ABHD17C: variants seen among roughly 807,000 people sequenced by gnomAD.
The protein encoded by ABHD17C is alpha/beta hydrolase domain-containing protein 17C.
A neutral mutation model predicts 27.9 loss-of-function variants in ABHD17C; 11 were observed. That is an observed-to-expected ratio of 0.39 (90% confidence interval 0.25 to 0.65). The LOEUF is 0.65. Among genes scored for constraint, ABHD17C ranks in the 30% least tolerant of loss-of-function variants. ABHD17C has a pLI of 0.45. For missense variants in ABHD17C, 280 were observed against 470.2 expected (o/e 0.60, Z 3.74); for synonymous variants, 233 against 209.1 (o/e 1.11, Z -0.98).
At chr15:80,751,007 G>A (rs1895358158) in intron 2 of ABHD17C, among the ~76,000 whole-genome samples, 1 of 151,858 alleles carries the variant, frequency 6.6e-6, no homozygotes, top group African/African-American at 2.4e-5. Flanking sequence ...GCAGGTATCG[G>A]GCTATGCATT....
chr15:80,698,768 C>G (rs944487765), intron 1 of ABHD17C, among the ~76,000 whole-genome samples: 2 of 152,240 alleles, frequency 1.3e-5, no homozygotes, highest in Non-Finnish European at 2.9e-5. Flanking sequence ...GGAATGCCTT[C>G]CATCCCATGT....
chr15:80,697,032 A>G (rs1009440188), intron 1 of ABHD17C, among the ~76,000 whole-genome samples: 8 of 152,194 alleles, frequency 5.3e-5, no homozygotes, highest in Non-Finnish European at 8.8e-5. Flanking sequence ...TATTGTCGCC[A>G]TGGACCCTTC....
chr15:80,695,355 G>A lies in ABHD17C; in HGVS notation c.-75G>A. On this transcript the variant is annotated 5_prime_UTR_variant, in exon 1 of 3. Transcript: ENST00000258884. This position sits in a 1 kb window ranked among gnomAD's most constrained non-coding sequence, Gnocchi z 4.3. ...GCTCGCCTGCCAGCTCCCTCGCCGCGCGTCCGTCCTCCGTCCTCCCGGGCC... is the reference window on the plus strand; with the variant it reads ...GCTCGCCTGCCAGCTCCCTCGCCGCACGTCCGTCCTCCGTCCTCCCGGGCC... The A allele has an allele frequency of 4.9e-6, 5 of 1,012,168 alleles. No individual in the cohort carries two copies. The highest frequency in any genetic ancestry group is 6.1e-6 in the Non-Finnish European group (5 of 818,024). The allele number at this position is 1,012,168 out of a possible 1,614,324, so 62.7% of individuals were successfully genotyped here. A position where few individuals can be genotyped will look rare whatever the true frequency, so the allele number is the denominator to read the frequency against.
intron 1 of ABHD17C, among the ~76,000 whole-genome samples, chr15:80,718,097 G>T (rs905970155): frequency 6.6e-6 from 1 of 152,130 alleles, no homozygotes; most frequent in African/African-American, 2.4e-5. Flanking sequence ...TAGGAAGGTG[G>T]TTTAGATTAG....
At chr15:80,751,929 G>T (rs1238650177) in intron 2 of ABHD17C, among the ~76,000 whole-genome samples, 1 of 152,184 alleles carries the variant, frequency 6.6e-6, no homozygotes, top group African/African-American at 2.4e-5. Flanking sequence ...TTGCCAGATG[G>T]CAGAATCATC....
intron 1 of ABHD17C, among the ~76,000 whole-genome samples, chr15:80,741,500 GT>G (rs60325235): frequency 2.1e-5 from 3 of 146,152 alleles, no homozygotes; most frequent in East Asian, 2.0e-4. Flanking sequence ...AATTAGCACA[GT>G]TTTTTTTTCT....
chr15:80,740,998 G>T (rs1437603656), intron 1 of ABHD17C, among the ~76,000 whole-genome samples: 1 of 152,174 alleles, frequency 6.6e-6, no homozygotes, highest in Non-Finnish European at 1.5e-5. Flanking sequence ...CAGATCAGTA[G>T]TTGACCAAGA....
rs74801112 is a variant in ABHD17C, at chr15:80,725,812, TTTTG to T, written c.591-23673_591-23670del. 5.4e-3 allele frequency among the ~76,000 whole-genome samples: 810 copies of T among 151,110 alleles called. 3 individuals are homozygous for T. The highest frequency in any genetic ancestry group is 0.013 in the African/African-American group (547 of 41,206). ...GGTGTGAACCGCTGCACCAGCAGTTTTTTGTTTGTTTGTTTGTTTGTTTGTTTGT... is the reference window on the plus strand; with the variant it reads ...GGTGTGAACCGCTGCACCAGCAGTTTTTTGTTTGTTTGTTTGTTTGTTTGT... On this transcript the variant is annotated intron_variant, in intron 1 of 2. Coordinates refer to ENST00000258884, the MANE Select transcript of ABHD17C (RefSeq NM_021214.2).
At chr15:80,741,230 C>T (rs1415248218) in intron 1 of ABHD17C, among the ~76,000 whole-genome samples, 2 of 151,996 alleles carry the variant, frequency 1.3e-5, no homozygotes, top group Non-Finnish European at 2.9e-5. Flanking sequence ...GGTTTCATGT[C>T]CGGTCCAAGG....
At chr15:80,752,841 A>C (rs1895382599) in intron 2 of ABHD17C, among the ~76,000 whole-genome samples, 1 of 152,182 alleles carries the variant, frequency 6.6e-6, no homozygotes, top group African/African-American at 2.4e-5. Context: ...CCAATGCTTA[A>C]AGTCTTTTGG....
At chr15:80,745,973 G>A (rs1417495441) in intron 1 of ABHD17C, among the ~76,000 whole-genome samples, 7 of 152,112 alleles carry the variant, frequency 4.6e-5, no homozygotes, top group Non-Finnish European at 5.9e-5. Context: ...AGAATTGCTA[G>A]GTTCCTGGGT....
chr15:80,715,020 A>G (rs1386658443), intron 1 of ABHD17C, among the ~76,000 whole-genome samples: 3 of 152,172 alleles, frequency 2.0e-5, no homozygotes, highest in African/African-American at 7.2e-5. Flanking sequence ...TGACCTCGTG[A>G]TCCGCCCACC....
chr15:80,736,699 G>A (rs1470940159), intron 1 of ABHD17C, among the ~76,000 whole-genome samples: 3 of 151,958 alleles, frequency 2.0e-5, no homozygotes, highest in Non-Finnish European at 4.4e-5. Context: ...TTAAAATGTT[G>A]ACTTCAAAGT....
chr15:80,695,518 C>T lies in ABHD17C; in HGVS notation c.89C>T (p.Ala30Val), dbSNP rs1894479827. Residue 30 changes from alanine to valine, a missense_variant, in exon 1 of 3, where the codon GCC becomes GTC. Coordinates refer to ENST00000258884, the MANE Select transcript of ABHD17C (RefSeq NM_021214.2). The surrounding 1 kb of genome is among the most constrained non-coding windows in gnomAD (Gnocchi z 4.3). The part of the protein sequence containing the change: ...FCCPPCPSRI[A>V]AKLAFLPPEP... ...TGCCCGCCCTGCCCGAGCCGCATCGCCGCCAAGCTGGCCTTCCTGCCGCCC... is the reference window on the plus strand; with the variant it reads ...TGCCCGCCCTGCCCGAGCCGCATCGTCGCCAAGCTGGCCTTCCTGCCGCCC... 4 of 1,378,270 alleles carry T rather than the reference C, an allele frequency of 2.9e-6. No individual in the cohort carries two copies. Among genetic ancestry groups the T allele is most frequent in the African/African-American group, 1.5e-5 (1 of 64,902 alleles). The allele number at this position is 1,378,270 out of a possible 1,614,324, so 85.4% of individuals were successfully genotyped here. A position where few individuals can be genotyped will look rare whatever the true frequency, so the allele number is the denominator to read the frequency against.
chr15:80,714,439 A>T (rs1894775963), intron 1 of ABHD17C, among the ~76,000 whole-genome samples: 1 of 152,242 alleles, frequency 6.6e-6, no homozygotes, highest in South Asian at 2.1e-4. Flanking sequence ...GGACCATGAT[A>T]GATGAATGAT....
intron 2 of ABHD17C, among the ~76,000 whole-genome samples, chr15:80,752,333 G>A (rs1285605033): frequency 6.6e-6 from 1 of 152,176 alleles, no homozygotes; most frequent in Non-Finnish European, 1.5e-5. Context: ...TGGCTGATGA[G>A]GTTTTGCAAT....
At chr15:80,739,674 A>C (rs1271123853) in intron 1 of ABHD17C, among the ~76,000 whole-genome samples, 4 of 152,180 alleles carry the variant, frequency 2.6e-5, no homozygotes, top group Admixed American at 2.6e-4. Flanking sequence ...CTGAAGCCTC[A>C]CCAGAAGTGG....
At chr15:80,749,814 GTGCC>G in intron 2 of ABHD17C, 122 bp downstream of exon 2, 1 of 1,182,632 alleles carries the variant, frequency 8.5e-7, no homozygotes, top group Non-Finnish European at 1.2e-6. Flanking sequence ...CCTGTGCTGG[GTGCC>G]ACAGGGCATG....
Position 80,749,801 on chromosome 15 carries a change from G to T in ABHD17C, c.770+109G>T, listed in dbSNP as rs139035205. On this transcript the variant is annotated intron_variant, in intron 2 of 2. Transcript: ENST00000258884. ...ATTTATTGAATGCAGCCATACGTCA[G>T]ACCCTGTGCTGGGTGCCACAGGGCA... is the stretch of plus-strand genomic sequence containing the variant. 231 of 1,331,222 alleles carry T rather than the reference G, an allele frequency of 1.7e-4. 1 individual carries two copies. The African/African-American group carries it at 2.8e-3, about 16-fold the overall frequency. 82.5% of individuals were successfully genotyped at this position (1,331,222 alleles called of 1,614,324 possible).
Sources: gnomAD v4.1 joint callset for allele counts (sites outside exome capture counted in the v4.1 genomes callset) on GRCh38, gnomAD v4.1.1 for gene constraint, Gnocchi (gnomAD v3.1) non-coding constraint, MANE v1.5 for transcripts, NCBI Gene and HGNC (gene_info 2026-07-23, HGNC 2026-07-21) for gene names.